Variants in ZNF174 observed in about 807,000 individuals in gnomAD.
The protein encoded by ZNF174 is zinc finger protein 174.
In ZNF174, 30 loss-of-function variants were observed where a neutral mutation model predicts 38.7. That is an observed-to-expected ratio of 0.78 (90% CI 0.58 to 1.05). The LOEUF (loss-of-function observed/expected upper bound fraction) is 1.05. ZNF174 is among the 50% of genes least tolerant of loss of function. The pLI, the probability that ZNF174 is intolerant of heterozygous loss-of-function variation, is 0.00. For missense variants in ZNF174, 499 were observed against 495.6 expected (o/e 1.01, Z -0.06); for synonymous variants, 201 against 181.7 (o/e 1.11, Z -0.86).
intron 1 of ZNF174, among the ~76,000 whole-genome samples, chr16:3,402,996 C>T (rs185252793): frequency 6.6e-6 from 1 of 152,150 alleles, no homozygotes; most frequent in South Asian, 2.1e-4. Context: ...GTTCTTAAAT[C>T]CCTTCTGTCA....
chr16:3,405,288 G>A (rs2034039437), intron 2 of ZNF174, among the ~76,000 whole-genome samples: 1 of 152,236 alleles, frequency 6.6e-6, no homozygotes, highest in Non-Finnish European at 1.5e-5. Context: ...TACATCCAAT[G>A]AGGTACTTCG....
At chr16:3,404,879 G>C (rs778969057) in intron 2 of ZNF174, 1 of 1,612,018 alleles carries the variant, frequency 6.2e-7, no homozygotes, top group South Asian at 1.1e-5. Context: ...GTGCATGACA[G>C]GGTTGTACCT....
At chr16:3,406,603 A>C (rs1189406859) in intron 2 of ZNF174, among the ~76,000 whole-genome samples, 1 of 152,140 alleles carries the variant, frequency 6.6e-6, no homozygotes. Flanking sequence ...ATCTGTTCAG[A>C]TCCTTTGGTC....
chr16:3,404,675 C>G (rs762240879), intron 2 of ZNF174, 27 bp downstream of exon 2: 12 of 1,612,102 alleles, frequency 7.4e-6, no homozygotes, highest in Middle Eastern at 1.6e-4. Flanking sequence ...TTCTCTCCCT[C>G]TCATCAGCCC....
At chr16:3,407,454 T>C (rs1204478970) in intron 2 of ZNF174, among the ~76,000 whole-genome samples, 1 of 152,220 alleles carries the variant, frequency 6.6e-6, no homozygotes, top group Non-Finnish European at 1.5e-5. Context: ...AAAAAGCAAT[T>C]GACCCTGATT....
At chr16:3,405,567 C>A (rs1202101632) in intron 2 of ZNF174, among the ~76,000 whole-genome samples, 2 of 152,194 alleles carry the variant, frequency 1.3e-5, no homozygotes, top group Non-Finnish European at 2.9e-5. Flanking sequence ...ATGACCTAAT[C>A]ACCTCCCAAA....
At chr16:3,404,400 A>C (rs1041304699) in intron 1 of ZNF174, 26 bp from the exon 2 acceptor site, 3 of 1,574,586 alleles carry the variant, frequency 1.9e-6, no homozygotes, top group Non-Finnish European at 1.7e-6. Flanking sequence ...TGATGGATGG[A>C]ATTAATGGAT....
intron 2 of ZNF174, among the ~76,000 whole-genome samples, chr16:3,405,242 C>G (rs2034038574): frequency 6.6e-6 from 1 of 152,208 alleles, no homozygotes. Context: ...AGGAGGGTTA[C>G]AAGACGACAA....
chr16:3,404,262 G>A (rs1660247258), intron 1 of ZNF174, among the ~76,000 whole-genome samples, 164 bp from the exon 2 acceptor site: 1 of 152,124 alleles, frequency 6.6e-6, no homozygotes, highest in Non-Finnish European at 1.5e-5. Flanking sequence ...CATTCTTCAC[G>A]TTCTCCCCTT....
In ZNF174 at chr16:3,408,301, C is replaced by T; in HGVS notation, c.626-20C>T. ...TTTCTTCCAAGTGCAGAAAATGAAG[C>T]ATTTTCTTTCTAATTATAGAGGCCC... is the stretch of plus-strand genomic sequence containing the variant. On this transcript the variant is annotated intron_variant, in intron 2 of 2. Transcript: ENST00000268655. 3.2e-6 allele frequency: 5 copies of T among 1,544,072 alleles called. No homozygotes were observed. The highest frequency in any genetic ancestry group is 1.4e-5 in the African/African-American group (1 of 72,150).
At chr16:3,407,326 G>C (rs1268558054) in intron 2 of ZNF174, among the ~76,000 whole-genome samples, 1 of 152,120 alleles carries the variant, frequency 6.6e-6, no homozygotes, top group East Asian at 1.9e-4. Context: ...CAGGGGACAG[G>C]GGGGATAAAC....
intron 1 of ZNF174, among the ~76,000 whole-genome samples, chr16:3,404,022 G>C (rs1186217968): frequency 7.9e-5 from 12 of 152,208 alleles, no homozygotes; most frequent in African/African-American, 2.9e-4. Flanking sequence ...TATTAGGTAA[G>C]AAGGACTTTT....
rs777842367 is a variant in ZNF174 at position 3,404,995 on chromosome 16, C to T, written c.625+347C>T. On this transcript the variant is annotated intron_variant, in intron 2 of 2. Coordinates refer to ENST00000268655, the MANE Select transcript of ZNF174 (RefSeq NM_003450.3). ...GCTGAGTTTCATTGCTTAAAATGCT[C>T]CTCTGTTTAGAGGGGCCTGGTAGAA... The T allele has an allele frequency of 4.3e-6, 7 of 1,613,678 alleles. No individual in the cohort carries two copies. The Admixed American group carries it at 1.2e-4, about 27-fold the overall frequency.
In ZNF174 at chr16:3,408,751, A is replaced by T; in HGVS notation, c.1056A>T (p.Arg352Ser). The T allele has an allele frequency of 6.2e-7, 1 of 1,613,936 alleles. No individual in the cohort carries two copies. Among genetic ancestry groups the T allele is most frequent in the Non-Finnish European group, 8.5e-7 (1 of 1,180,006 alleles). Residue 352 changes from arginine (R) to serine (S), a missense_variant, in exon 3 of 3, where the codon AGA becomes AGT. Transcript: ENST00000268655. Reference sequence around the variant, plus strand: ...ACAAGAGAGTCCACACAGGAGAGAGACCCTACACGTGCGGAGAGTGTGGAA... The same window carrying T: ...ACAAGAGAGTCCACACAGGAGAGAGTCCCTACACGTGCGGAGAGTGTGGAA... ...KRHKRVHTGERPYTCGECGNC... is the reference protein window; with the variant it reads ...KRHKRVHTGESPYTCGECGNC...
At chr16:3,403,086 C>T (rs1042913292) in intron 1 of ZNF174, among the ~76,000 whole-genome samples, 3 of 144,118 alleles carry the variant, frequency 2.1e-5, no homozygotes, top group Non-Finnish European at 4.5e-5. Flanking sequence ...AGCAGTTGGA[C>T]TTTGGGGAAC....
At position 3,409,068 on chromosome 16, in the gene ZNF174, C is replaced by G. The variant is rs1460958855; in HGVS notation, c.*149C>G. The G allele has an allele frequency of 1.1e-6, 1 of 871,454 alleles. No individual in the cohort carries two copies. The highest frequency in any genetic ancestry group is 2.5e-5 in the Admixed American group (1 of 39,934). The allele number at this position is 871,454 out of a possible 1,614,324, so 54.0% of individuals were successfully genotyped here. ...GATGCACATTCTGCTGTGAGGAGGC[C>G]CAGAAAAGGCCAACCAGGGCCCAAC... On this transcript the variant is annotated 3_prime_UTR_variant, in exon 3 of 3. Transcript: ENST00000268655.
At chr16:3,408,211 G>T in intron 2 of ZNF174, 110 bp from the exon 3 acceptor site, 1 of 1,052,676 alleles carries the variant, frequency 9.5e-7, no homozygotes, top group East Asian at 2.4e-5. Flanking sequence ...TCTAATGCAA[G>T]TTGCCAGCGG....
chr16:3,403,099 C>T (rs1488514372), intron 1 of ZNF174, among the ~76,000 whole-genome samples: 1 of 135,868 alleles, frequency 7.4e-6, no homozygotes, highest in Non-Finnish European at 1.6e-5. Flanking sequence ...TGGGGAACTT[C>T]ATTTCATTGG....
chr16:3,408,530 C>G lies in ZNF174; in HGVS notation c.835C>G (p.His279Asp), dbSNP rs1451588763. 6.2e-7 allele frequency: 1 copy of G among 1,614,034 alleles called. No homozygotes were observed. The highest frequency in any genetic ancestry group is 1.3e-5 in the African/African-American group (1 of 74,912). ...AQKPFAHYQR[H>D]CRVEYISSPL... ...AAAGCCATTTGCTCACTACCAGAGA[C>G]ATTGCAGGGTGGAATACATCAGCAG... is the stretch of plus-strand genomic sequence containing the variant. The change falls in exon 3 of 3, where the codon CAT becomes GAT. Residue 279 changes from histidine to aspartate, a missense_variant. Transcript: ENST00000268655.
Sources: allele counts gnomAD v4.1 joint callset (sites outside exome capture counted in the v4.1 genomes callset), GRCh38; gene constraint gnomAD v4.1.1; transcripts MANE v1.5; gene names NCBI Gene and HGNC (gene_info 2026-07-23, HGNC 2026-07-21).